The following IGSF11 variants were observed in gnomAD, a reference collection of about 807,000 sequenced individuals.
IGSF11 encodes CXADR like 1.
IGSF11 carries 22 observed loss-of-function variants against 41.0 expected under a neutral mutation model. That is an observed-to-expected ratio of 0.54 (90% CI 0.38 to 0.77). IGSF11 has a LOEUF of 0.77. Among genes scored for constraint, IGSF11 ranks in the 30% least tolerant of loss-of-function variants. The pLI is 0.00. For synonymous variants in IGSF11, 219 were observed against 201.3 expected (o/e 1.09, Z -0.74); for missense variants, 444 against 530.8 (o/e 0.84, Z 1.61).
chr3:119,007,840 A>G (rs566360074), intron 1 of IGSF11, among the ~76,000 whole-genome samples: 6 of 152,236 alleles, frequency 3.9e-5, no homozygotes, highest in Admixed American at 1.3e-4. Flanking sequence ...TTCCTCCTTT[A>G]TCATATTTCT....
chr3:119,072,609 T>C (rs1262935416), intron 1 of IGSF11, among the ~76,000 whole-genome samples: 1 of 152,158 alleles, frequency 6.6e-6, no homozygotes. Context: ...CATACCTTCG[T>C]GGTAAGTGTT....
At chr3:119,041,748 A>G (rs1941126032) in intron 1 of IGSF11, among the ~76,000 whole-genome samples, 1 of 152,238 alleles carries the variant, frequency 6.6e-6, no homozygotes, top group Non-Finnish European at 1.5e-5. Flanking sequence ...TTGCTCAAAA[A>G]TAAGCAGAAA....
chr3:119,142,183 G>A (rs1344299136), intron 1 of IGSF11, among the ~76,000 whole-genome samples: 2 of 150,682 alleles, frequency 1.3e-5, no homozygotes, highest in East Asian at 3.9e-4. Flanking sequence ...GCTGAAGCAG[G>A]AGAATGGCGT....
chr3:119,008,298 T>C (rs896070617), intron 1 of IGSF11, among the ~76,000 whole-genome samples: 2 of 152,218 alleles, frequency 1.3e-5, no homozygotes, highest in Admixed American at 1.3e-4. Flanking sequence ...CCCATTCCAA[T>C]TGTCTTTGGA....
At position 118,904,674 on chromosome 3, in the gene IGSF11, T is replaced by C. The variant is rs138117783; in HGVS notation, c.828A>G (p.Glu276=). 1.1e-4 allele frequency: 171 copies of C among 1,610,614 alleles called. 1 individual carries two copies. In the African/African-American group the frequency reaches 2.1e-3, roughly 20 times the overall value. ...FYWRSKNKEE[E]EEEIPNEIRE... ...TTATTTCATTAGGAATTTCTTCTTC[T>C]TCCTCCTCTTTATTTTTGCTTCTCC... The change falls in exon 6 of 7, where the codon GAA becomes GAG. Residue 276 remains glutamate (E), a synonymous_variant. Transcript: ENST00000393775.
intron 1 of IGSF11, among the ~76,000 whole-genome samples, chr3:119,026,160 T>A (rs2107723520): frequency 6.6e-6 from 1 of 152,292 alleles, no homozygotes; most frequent in Non-Finnish European, 1.5e-5. Flanking sequence ...TCATTGAGTT[T>A]TTACCCTAGA....
intron 1 of IGSF11, among the ~76,000 whole-genome samples, chr3:119,124,049 T>C (rs1199995511): frequency 1.3e-5 from 2 of 152,020 alleles, no homozygotes; most frequent in Non-Finnish European, 2.9e-5. Context: ...GAAACAGAGA[T>C]ATGTAACTAT....
At chr3:118,929,479 G>A (rs926485981) in intron 2 of IGSF11, among the ~76,000 whole-genome samples, 1 of 152,148 alleles carries the variant, frequency 6.6e-6, no homozygotes, top group African/African-American at 2.4e-5. Context: ...TACTGAAGGA[G>A]AAAAGCTCCA....
At chr3:119,119,225 G>T (rs1047458968) in intron 1 of IGSF11, among the ~76,000 whole-genome samples, 1 of 152,100 alleles carries the variant, frequency 6.6e-6, no homozygotes, top group Non-Finnish European at 1.5e-5. Context: ...ACCTGAGACT[G>T]GGTAATTTAC....
intron 1 of IGSF11, among the ~76,000 whole-genome samples, chr3:119,000,856 G>A (rs1356323880): frequency 6.6e-6 from 1 of 152,086 alleles, no homozygotes; most frequent in Admixed American, 6.5e-5. Context: ...TTCAAATCTA[G>A]CTTTAGATCA....
chr3:118,955,214 G>GTACA (rs1055370952), intron 1 of IGSF11, among the ~76,000 whole-genome samples: 3 of 135,956 alleles, frequency 2.2e-5, no homozygotes, highest in South Asian at 2.4e-4. Flanking sequence ...GTATGTATAT[G>GTACA]TACATACACA....
chr3:119,111,950 A>G (rs1200572950), intron 1 of IGSF11, among the ~76,000 whole-genome samples: 1 of 152,086 alleles, frequency 6.6e-6, no homozygotes, highest in Non-Finnish European at 1.5e-5. Flanking sequence ...GTTCCTCTGG[A>G]AGTTTTGTCT....
chr3:119,014,100 C>T (rs1938424485), intron 1 of IGSF11, among the ~76,000 whole-genome samples: 1 of 152,178 alleles, frequency 6.6e-6, no homozygotes, highest in Non-Finnish European at 1.5e-5. Flanking sequence ...GTTAGCACTG[C>T]CTGGCATGTG....
intron 1 of IGSF11, among the ~76,000 whole-genome samples, chr3:119,103,653 G>C (rs2076974251): frequency 6.6e-6 from 1 of 151,526 alleles, no homozygotes; most frequent in African/African-American, 2.4e-5. Context: ...AGTTGCTATA[G>C]GGCTGTATCC....
chr3:118,902,940 C>T lies in IGSF11; in HGVS notation c.876G>A (p.Lys292=). The part of the protein sequence containing the change: ...NEIREDDLPP[K]CSSAKAFHTE... ...TGTGAAATGCTTTGGCAGAAGAACACTTGGGTGGAAGATCATCCTCTCTGA... is the reference window on the plus strand; with the variant it reads ...TGTGAAATGCTTTGGCAGAAGAACATTTGGGTGGAAGATCATCCTCTCTGA... Residue 292 remains lysine, a synonymous_variant, in exon 7 of 7, where the codon AAG becomes AAA. Coordinates refer to ENST00000393775, the MANE Select transcript of IGSF11 (RefSeq NM_001015887.3). 1.2e-6 allele frequency: 2 copies of T among 1,613,770 alleles called. No homozygotes were observed. The highest frequency in any genetic ancestry group is 1.7e-6 in the Non-Finnish European group (2 of 1,179,698).
chr3:118,904,806 A>G lies in IGSF11; in HGVS notation c.704-8T>C. Reference sequence around the variant, plus strand: ...CAATGTTCCTGGGCTGGGCTGCAAAATATATTTAAGATATATTTAAAGAAA... The same window carrying G: ...CAATGTTCCTGGGCTGGGCTGCAAAGTATATTTAAGATATATTTAAAGAAA... On this transcript the variant is annotated splice_polypyrimidine_tract_variant and splice_region_variant and intron_variant, in intron 5 of 6. Transcript: ENST00000393775. 1 of 1,588,036 alleles carries G rather than the reference A, an allele frequency of 6.3e-7. No individual in the cohort carries two copies. The highest frequency in any genetic ancestry group is 8.5e-7 in the Non-Finnish European group (1 of 1,171,838).
chr3:119,057,017 T>C (rs1403183301), intron 1 of IGSF11, among the ~76,000 whole-genome samples: 1 of 152,156 alleles, frequency 6.6e-6, no homozygotes, highest in East Asian at 1.9e-4. Context: ...GCCAATATCA[T>C]ACTGAATGGA....
intron 1 of IGSF11, among the ~76,000 whole-genome samples, chr3:119,063,498 A>G (rs970584674): frequency 6.6e-6 from 1 of 152,084 alleles, no homozygotes; most frequent in African/African-American, 2.4e-5. Flanking sequence ...TTGTGCACAG[A>G]CATGAACAGT....
chr3:118,936,787 C>T (rs538349434), intron 1 of IGSF11, among the ~76,000 whole-genome samples: 55 of 152,270 alleles, frequency 3.6e-4, no homozygotes, highest in African/African-American at 1.3e-3. Context: ...AAGGCATTCA[C>T]ATTATTTCAA....
Sources: gnomAD v4.1 joint callset for allele counts (sites outside exome capture counted in the v4.1 genomes callset) on GRCh38, gnomAD v4.1.1 for gene constraint, MANE v1.5 for transcripts, NCBI Gene and HGNC (gene_info 2026-07-23, HGNC 2026-07-21) for gene names.